Variants in PRKAR2A observed in about 807,000 individuals in gnomAD.
The protein encoded by PRKAR2A is protein kinase cAMP-dependent type II regulatory subunit alpha.
Under a neutral mutation model 51.9 loss-of-function variants are expected in PRKAR2A, and 29 were observed. The ratio of observed to expected loss-of-function variants is 0.56; its 90% CI spans 0.42 to 0.76. The LOEUF is 0.76. PRKAR2A is among the 30% of genes least tolerant of loss of function. The pLI, the probability that PRKAR2A is intolerant of heterozygous loss-of-function variation, is 0.00. For synonymous variants in PRKAR2A, 178 were observed against 186.2 expected, an observed-to-expected ratio of 0.96 and a Z score of 0.36; for missense variants, 445 against 512.1, an observed-to-expected ratio of 0.87 and a Z score of 1.26.
At chr3:48,783,698 G>A (rs1289271774) in intron 4 of PRKAR2A, among the ~76,000 whole-genome samples, 2 of 151,864 alleles carry the variant, frequency 1.3e-5, no homozygotes, top group African/African-American at 2.4e-5. Flanking sequence ...CTCCTGCCTC[G>A]GCCTCCTGAG....
intron 2 of PRKAR2A, among the ~76,000 whole-genome samples, chr3:48,795,040 G>A (rs2082468322): frequency 1.3e-5 from 2 of 151,318 alleles, no homozygotes; most frequent in African/African-American, 4.9e-5. Flanking sequence ...GCAATGACGT[G>A]ATCTCTGCTC....
intron 4 of PRKAR2A, among the ~76,000 whole-genome samples, chr3:48,783,302 G>A (rs370951963): frequency 6.6e-6 from 1 of 152,086 alleles, no homozygotes; most frequent in African/African-American, 2.4e-5. Flanking sequence ...AGTCTTCTGA[G>A]GCAGTATTGT....
chr3:48,754,729 C>T (rs976016152), intron 9 of PRKAR2A, among the ~76,000 whole-genome samples: 4 of 151,586 alleles, frequency 2.6e-5, no homozygotes, highest in African/African-American at 4.8e-5. Context: ...GCTGAGATCA[C>T]GCCACTGCAC....
chr3:48,838,156 C>T (rs543559200), intron 1 of PRKAR2A, among the ~76,000 whole-genome samples: 5 of 151,658 alleles, frequency 3.3e-5, no homozygotes, highest in Admixed American at 6.6e-5. Context: ...CCAGCCTGGG[C>T]GACAGAGCAA....
intron 2 of PRKAR2A, among the ~76,000 whole-genome samples, chr3:48,798,663 A>AT (rs35860456): frequency 0.025 from 3,517 of 138,778 alleles, 82 homozygotes; most frequent in African/African-American, 0.059. Context: ...TTCCTTTTTA[A>AT]TTTTTTTTTT....
At chr3:48,756,817 C>T (rs2081777990) in intron 8 of PRKAR2A, among the ~76,000 whole-genome samples, 1 of 152,224 alleles carries the variant, frequency 6.6e-6, no homozygotes, top group Non-Finnish European at 1.5e-5. Flanking sequence ...GGTCTTTTGT[C>T]TTCACTGAGA....
intron 2 of PRKAR2A, among the ~76,000 whole-genome samples, chr3:48,805,701 A>G (rs1037433979): frequency 6.6e-6 from 1 of 152,242 alleles, no homozygotes; most frequent in African/African-American, 2.4e-5. Context: ...CACCTGGCAC[A>G]CGGTCTGCAC....
chr3:48,835,607 T>G lies in PRKAR2A; in HGVS notation c.262+11728A>C, dbSNP rs1408217649. On this transcript the variant is annotated intron_variant, in intron 1 of 10. Transcript: ENST00000265563. ...GTGAGCGGAGACTGCACCACTGCAC[T>G]CCAGCCTGGGGGACAGAGCAAGACT... Among the ~76,000 whole-genome samples, 3 of 134,388 alleles carry G rather than the reference T, an allele frequency of 2.2e-5. No individual in the cohort carries two copies. The East Asian group carries it at 6.8e-4, about 30-fold the overall frequency. 88.2% of individuals were successfully genotyped at this position (134,388 alleles called of 152,430 possible).
chr3:48,762,681 A>C (rs1030285064), intron 8 of PRKAR2A, among the ~76,000 whole-genome samples: 2 of 152,114 alleles, frequency 1.3e-5, no homozygotes, highest in East Asian at 1.9e-4. Flanking sequence ...GAATAGCTTG[A>C]ACCTGGGAGG....
chr3:48,845,043 G>A (rs949297474), intron 1 of PRKAR2A, among the ~76,000 whole-genome samples: 1 of 152,150 alleles, frequency 6.6e-6, no homozygotes, highest in Non-Finnish European at 1.5e-5. Context: ...ATCCTAAAGT[G>A]TTGTGTAAAT....
At position 48,773,068 on chromosome 3, in the gene PRKAR2A, G is replaced by A. The variant is rs147886817; in HGVS notation, c.583C>T (p.Arg195Cys). The change falls in exon 6 of 11, where the codon CGC (arginine) becomes TGC (cysteine). Residue 195 changes from arginine (R) to cysteine (C), a missense_variant. By Grantham distance (180) the Arg-to-Cys change is radical. Coordinates refer to ENST00000265563, the MANE Select transcript of PRKAR2A (RefSeq NM_004157.4). ...CGGTTGTCATATTGACCAACAGAGC[G>A]GGTTTGATTATCTTTTGTTACTAAA... is the stretch of plus-strand genomic sequence containing the variant. ...DILVTKDNQT[R>C]SVGQYDNRGS... 1.4e-5 allele frequency: 23 copies of A among 1,611,044 alleles called. No individual in the cohort carries two copies. The highest frequency in any genetic ancestry group is 1.6e-4 in the Middle Eastern group (1 of 6,064).
Position 48,779,780 on chromosome 3 carries a change from AAAATAAATAAATAAAT to A in PRKAR2A, c.542+3190_542+3205del, listed in dbSNP as rs199753996. Among the ~76,000 whole-genome samples, 1,094 of 135,994 alleles carry A rather than the reference AAAATAAATAAATAAAT, an allele frequency of 8.0e-3. 10 individuals carry two copies. The highest frequency in any genetic ancestry group is 0.019 in the African/African-American group (695 of 36,852). 89.2% of individuals were successfully genotyped at this position (135,994 alleles called of 152,430 possible). ...GAGCAACAGAGCAAGACTCCGTCTC[AAAATAAATAAATAAAT>A]AAATAAATAAATAAATAAATAAATA... is the stretch of plus-strand genomic sequence containing the variant. On this transcript the variant is annotated intron_variant, in intron 5 of 10. Transcript: ENST00000265563.
At chr3:48,788,944 G>A (rs1466261789) in intron 4 of PRKAR2A, among the ~76,000 whole-genome samples, 6 of 151,852 alleles carry the variant, frequency 4.0e-5, no homozygotes, top group African/African-American at 7.3e-5. Flanking sequence ...AGGGAGGACA[G>A]GCCCAGGTCA....
At chr3:48,758,443 C>T (rs1444900872) in intron 8 of PRKAR2A, among the ~76,000 whole-genome samples, 2 of 146,178 alleles carry the variant, frequency 1.4e-5, no homozygotes, top group Non-Finnish European at 3.0e-5. Flanking sequence ...ATTAGCCAGG[C>T]GTGGTGGTGT....
intron 4 of PRKAR2A, among the ~76,000 whole-genome samples, chr3:48,788,595 T>A (rs1356650560): frequency 6.6e-6 from 1 of 152,194 alleles, no homozygotes; most frequent in Non-Finnish European, 1.5e-5. Context: ...CAAAATTTCA[T>A]GTTAAAGCCT....
Position 48,771,200 on chromosome 3 carries a change from GAAAA to G in PRKAR2A, c.696+1751_696+1754del, listed in dbSNP as rs1160591570. On this transcript the variant is annotated intron_variant, in intron 6 of 10. Transcript: ENST00000265563. Reference sequence around the variant, plus strand: ...AGTGAGCCAAGATCATCTCAAAAAAGAAAAAAAAGAAAGAATGTGTTATTTGGCT... The same window carrying G: ...AGTGAGCCAAGATCATCTCAAAAAAGAAAAGAAAGAATGTGTTATTTGGCT... Among the ~76,000 whole-genome samples, 5 of 150,214 alleles carry G rather than the reference GAAAA, an allele frequency of 3.3e-5. No individual in the cohort carries two copies. In the East Asian group the frequency reaches 7.9e-4, roughly 24 times the overall value.
At position 48,846,219 on chromosome 3, in the gene PRKAR2A, C is replaced by CT. The variant is rs11340522; in HGVS notation, c.262+1115dup. ...TATAGTTACTGGGTTTTTCCTTTTT[C>CT]TTTTTTTTTTTTTTTGAGACGGAGT... On this transcript the variant is annotated intron_variant, in intron 1 of 10. Coordinates refer to ENST00000265563, the MANE Select transcript of PRKAR2A (RefSeq NM_004157.4). 3.1e-4 allele frequency among the ~76,000 whole-genome samples: 39 copies of CT among 127,294 alleles called. 1 individual carries two copies. The highest frequency in any genetic ancestry group is 9.6e-4 in the Admixed American group (12 of 12,520). The allele number at this position is 127,294 out of a possible 152,430, so 83.5% of individuals were successfully genotyped here.
intron 5 of PRKAR2A, among the ~76,000 whole-genome samples, chr3:48,780,438 C>T (rs750253160): frequency 1.4e-4 from 21 of 151,678 alleles, no homozygotes; most frequent in Non-Finnish European, 2.5e-4. Context: ...TCCATCTCTA[C>T]TAAAAATACA....
intron 8 of PRKAR2A, among the ~76,000 whole-genome samples, chr3:48,757,910 G>C (rs2081797272): frequency 6.6e-6 from 1 of 152,084 alleles, no homozygotes; most frequent in South Asian, 2.1e-4. Flanking sequence ...ACAAAAATTA[G>C]CCAGGTGTGG....
Sources: gnomAD v4.1 joint callset for allele counts (sites outside exome capture counted in the v4.1 genomes callset) on GRCh38, gnomAD v4.1.1 for gene constraint, MANE v1.5 for transcripts, NCBI Gene and HGNC (gene_info 2026-07-23, HGNC 2026-07-21) for gene names.